Variants in TMEM232 observed in about 807,000 individuals in gnomAD.
TMEM232 encodes the protein transmembrane protein 232.
Under a neutral mutation model 78.8 loss-of-function variants are expected in TMEM232, and 80 were observed. That is an observed-to-expected ratio of 1.01 (90% CI 0.85 to 1.22). The LOEUF (loss-of-function observed/expected upper bound fraction) is 1.22, where lower values mean the gene tolerates loss of function less well. Ranked by LOEUF, TMEM232 falls within the 50% of genes most tolerant of loss-of-function variation. The pLI is 0.00. For missense variants in TMEM232, 881 were observed against 742.2 expected (o/e 1.19, Z -2.17); for synonymous variants, 297 against 254.3 (o/e 1.17, Z -1.60).
At chr5:110,644,611 A>G (rs556439290) in intron 2 of TMEM232, among the ~76,000 whole-genome samples, 1 of 151,960 alleles carries the variant, frequency 6.6e-6, no homozygotes, top group African/African-American at 2.4e-5. Context: ...GGATGCAGCA[A>G]AAGCAGTAAT....
chr5:110,714,210 C>T (rs1001134840), intron 1 of TMEM232, among the ~76,000 whole-genome samples: 25 of 152,088 alleles, frequency 1.6e-4, no homozygotes, highest in African/African-American at 5.1e-4. Context: ...GGCTGTCAAA[C>T]ATTTCATTGA....
intron 4 of TMEM232, among the ~76,000 whole-genome samples, chr5:110,639,342 TATGTGA>T (rs1786347089): frequency 6.6e-6 from 1 of 152,214 alleles, no homozygotes; most frequent in Non-Finnish European, 1.5e-5. Flanking sequence ...TAGAATTAAA[TATGTGA>T]ATGCATTAAA....
intron 10 of TMEM232, among the ~76,000 whole-genome samples, chr5:110,595,938 A>T (rs570113249): frequency 6.6e-6 from 1 of 152,182 alleles, no homozygotes; most frequent in African/African-American, 2.4e-5. Flanking sequence ...CCACTAAGAT[A>T]CTCCTCGAGA....
At chr5:110,434,150 C>T (rs1758158869) in intron 12 of TMEM232, among the ~76,000 whole-genome samples, 1 of 148,708 alleles carries the variant, frequency 6.7e-6, no homozygotes, top group Non-Finnish European at 1.5e-5. Flanking sequence ...CCCCCCAAAA[C>T]ATGCAAAGAA....
chr5:110,448,780 GT>G (rs1759951319), intron 12 of TMEM232, among the ~76,000 whole-genome samples: 1 of 151,792 alleles, frequency 6.6e-6, no homozygotes, highest in Admixed American at 6.6e-5. Flanking sequence ...ACATAGAAGG[GT>G]TTTCTTTGAG....
At chr5:110,431,164 C>T (rs749646156) in intron 12 of TMEM232, among the ~76,000 whole-genome samples, 4 of 151,426 alleles carry the variant, frequency 2.6e-5, no homozygotes, top group Non-Finnish European at 4.4e-5. Context: ...AAGTTTCCCC[C>T]CAAGAATGTT....
chr5:110,400,781 T>G (rs760546593), intron 2 of TMEM232, among the ~76,000 whole-genome samples: 1 of 152,076 alleles, frequency 6.6e-6, no homozygotes, highest in African/African-American at 2.4e-5. Context: ...CACTAAAAAC[T>G]AAGTGGTATT....
chr5:110,479,238 T>C lies in TMEM232; in HGVS notation c.1703+49350A>G, dbSNP rs897439854. Among the ~76,000 whole-genome samples, 9 of 151,800 alleles carry C rather than the reference T, an allele frequency of 5.9e-5. No individual in the cohort carries two copies. In the Admixed American group the frequency reaches 5.9e-4, roughly 10 times the overall value. ...CCAAAATACATGTAGATAGAACATA[T>C]AAAAACATAGAAAAAATTTGTTTTA... On this transcript the variant is annotated intron_variant, in intron 12 of 13. Coordinates refer to ENST00000455884, the MANE Select transcript of TMEM232 (RefSeq NM_001039763.4).
At position 110,716,259 on chromosome 5, in the gene TMEM232, T is replaced by G. The variant is rs1464946937; in HGVS notation, c.-13+10368A>C. ...ATCTTTTTGGCACCAGAGACCAGTT[T>G]GGTGGAAGAAAATTTTTCCACAGAT... On this transcript the variant is annotated intron_variant, in intron 1 of 13. Coordinates refer to ENST00000455884, the MANE Select transcript of TMEM232 (RefSeq NM_001039763.4). 3.9e-5 allele frequency among the ~76,000 whole-genome samples: 6 copies of G among 152,188 alleles called. No individual in the cohort carries two copies. In the East Asian group the frequency reaches 1.2e-3, roughly 29 times the overall value.
chr5:110,487,055 A>AT (rs373820571), intron 12 of TMEM232, among the ~76,000 whole-genome samples: 5,705 of 149,372 alleles, frequency 0.038, 380 homozygotes, highest in African/African-American at 0.13. Context: ...ATTCCTAAGA[A>AT]TTTTTTTTTT....
intron 10 of TMEM232, among the ~76,000 whole-genome samples, chr5:110,570,612 G>A (rs535240094): frequency 8.4e-4 from 128 of 152,078 alleles, no homozygotes; most frequent in African/African-American, 3.0e-3. Flanking sequence ...TGCAGACGAA[G>A]ATATTGGGTG....
At chr5:110,411,899 G>T (rs1024014220) in intron 2 of TMEM232, among the ~76,000 whole-genome samples, 1 of 152,028 alleles carries the variant, frequency 6.6e-6, no homozygotes, top group African/African-American at 2.4e-5. Flanking sequence ...GAATATGGGT[G>T]TACCCTCTTC....
intron 9 of TMEM232, among the ~76,000 whole-genome samples, chr5:110,605,792 G>C (rs577545395): frequency 6.3e-4 from 95 of 151,902 alleles, no homozygotes; most frequent in Non-Finnish European, 1.0e-3. Context: ...TCTTTCACTT[G>C]GTAATTTAAT....
At chr5:110,448,970 T>C (rs561361313) in intron 12 of TMEM232, among the ~76,000 whole-genome samples, 27 of 151,856 alleles carry the variant, frequency 1.8e-4, no homozygotes, top group Non-Finnish European at 3.2e-4. Flanking sequence ...TGTCATGAAG[T>C]CCATAGAAGG....
At chr5:110,501,028 A>G (rs1214325941) in intron 12 of TMEM232, among the ~76,000 whole-genome samples, 1 of 152,154 alleles carries the variant, frequency 6.6e-6, no homozygotes, top group Non-Finnish European at 1.5e-5. Context: ...TTTTTAAGGA[A>G]TGTGCATTTT....
chr5:110,574,929 G>A (rs750444572), intron 10 of TMEM232, among the ~76,000 whole-genome samples: 5 of 151,920 alleles, frequency 3.3e-5, no homozygotes, highest in Non-Finnish European at 7.4e-5. Context: ...GATGTCTTAG[G>A]GATCTCCAGA....
rs1797019084 is a variant in TMEM232, at chr5:110,716,437, C to T, written c.-13+10190G>A. On this transcript the variant is annotated intron_variant, in intron 1 of 13. Transcript: ENST00000455884. ...GAGACCTAAGCTTGTTTTCCTGCAA[C>T]CAGACAGTTCCATCTGGTGGCGATG... Among the ~76,000 whole-genome samples the T allele has an allele frequency of 7.2e-5, 11 of 152,266 alleles. No individual in the cohort carries two copies. In the South Asian group the frequency reaches 2.3e-3, roughly 32 times the overall value.
intron 12 of TMEM232, among the ~76,000 whole-genome samples, chr5:110,515,390 T>C (rs1260941971): frequency 6.6e-6 from 1 of 152,198 alleles, no homozygotes; most frequent in African/African-American, 2.4e-5. Flanking sequence ...GCCTCCAGGT[T>C]CTGGGCAGCT....
rs1282026965 is a variant in TMEM232 at position 110,605,157 on chromosome 5, T to G, written c.1228A>C (p.Ser410Arg). Residue 410 changes from serine to arginine, a missense_variant, in exon 10 of 14, where the codon AGT (serine) becomes CGT (arginine). Ser to Arg is a moderately radical substitution (Grantham distance 110). Transcript: ENST00000455884. ...AAATATTCCAAAAGACTTAAAATAC[T>G]TGTTTCCTTTAATTCTGGAGGTACT... Reference protein sequence around the residue: ...KSVPPELKETSILSLLEYFSS... With the variant: ...KSVPPELKETRILSLLEYFSS... 25 of 1,549,316 alleles carry G rather than the reference T, an allele frequency of 1.6e-5. No individual in the cohort carries two copies. Among genetic ancestry groups the G allele is most frequent in the Non-Finnish European group, 2.2e-5 (25 of 1,145,644 alleles).
Sources: gnomAD v4.1 joint callset for allele counts (sites outside exome capture counted in the v4.1 genomes callset) on GRCh38, gnomAD v4.1.1 for gene constraint, MANE v1.5 for transcripts, NCBI Gene and HGNC (gene_info 2026-07-23, HGNC 2026-07-21) for gene names.